Variants in MET observed in about 807,000 individuals in gnomAD.
The protein encoded by MET is MET proto-oncogene, receptor tyrosine kinase, also known as hepatocyte growth factor receptor.
MET carries 48 observed loss-of-function variants against 133.1 expected under a neutral mutation model. The ratio of observed to expected loss-of-function variants is 0.36; its 90% CI spans 0.29 to 0.46. The LOEUF (loss-of-function observed/expected upper bound fraction) is 0.46. MET is among the 20% of genes least tolerant of loss of function. MET has a pLI of 1.00. For missense variants in MET, 1,442 were observed against 1,695.9 expected, an observed-to-expected ratio of 0.85 and a Z score of 2.63; for synonymous variants, 628 against 616.5, an observed-to-expected ratio of 1.02 and a Z score of -0.28.
chr7:116,747,756 C>G (rs184348578), intron 5 of MET, among the ~76,000 whole-genome samples: 7 of 146,784 alleles, frequency 4.8e-5, no homozygotes, highest in African/African-American at 1.9e-4. Context: ...GACTTGAACT[C>G]GGCTCTGGAC....
intron 2 of MET, among the ~76,000 whole-genome samples, chr7:116,718,286 G>A (rs1230937035): frequency 6.6e-6 from 1 of 152,044 alleles, no homozygotes; most frequent in African/African-American, 2.4e-5. Flanking sequence ...CTATTCAGGA[G>A]GCTGAAGCAG....
At chr7:116,742,268 GAC>G (rs1205370103) in intron 5 of MET, among the ~76,000 whole-genome samples, 35 of 152,136 alleles carry the variant, frequency 2.3e-4, no homozygotes, top group Non-Finnish European at 5.9e-5. Context: ...TGTTAGGTGT[GAC>G]ACAGTTATTA....
intron 1 of MET, among the ~76,000 whole-genome samples, chr7:116,697,037 T>A (rs1238974806): frequency 2.6e-5 from 4 of 152,210 alleles, no homozygotes; most frequent in Admixed American, 2.6e-4. Context: ...AACCTGCTAG[T>A]CATCCTTATA....
Position 116,777,461 on chromosome 7 carries a change from C to G in MET, c.3332C>G (p.Ser1111Cys), listed in dbSNP as rs1584960002. The G allele has an allele frequency of 6.2e-7, 1 of 1,613,716 alleles. No homozygotes were observed. The change falls in exon 16 of 21, where the codon TCC becomes TGC. Residue 1111 changes from serine to cysteine, a missense_variant. Ser to Cys is a moderately radical substitution (Grantham distance 112, BLOSUM62 -1). Transcript: ENST00000397752. Reference protein sequence around the residue: ...DGKKIHCAVKSLNRITDIGEV... With the variant: ...DGKKIHCAVKCLNRITDIGEV... ...AAGAAAATTCACTGTGCTGTGAAAT[C>G]CTTGAACAGTAAGTGGCATTTTATT...
chr7:116,743,719 G>A (rs1217634591), intron 5 of MET, among the ~76,000 whole-genome samples: 2 of 152,214 alleles, frequency 1.3e-5, no homozygotes, highest in Admixed American at 1.3e-4. Context: ...GTGGGCCCCT[G>A]ACCCCTGTGC....
chr7:116,781,131 C>G (rs938441174), intron 17 of MET, among the ~76,000 whole-genome samples: 1 of 152,128 alleles, frequency 6.6e-6, no homozygotes. Context: ...GAACTATCCT[C>G]GGAGCCTGCT....
intron 2 of MET, among the ~76,000 whole-genome samples, chr7:116,702,418 C>G (rs1057189829): frequency 6.6e-6 from 1 of 152,116 alleles, no homozygotes; most frequent in African/African-American, 2.4e-5. Flanking sequence ...CCCATCCAGA[C>G]CTCAGATTGT....
Position 116,774,873 on chromosome 7 carries a change from TC to T in MET, c.3029-7del. On this transcript the variant is annotated splice_polypyrimidine_tract_variant and splice_region_variant and intron_variant, in intron 14 of 20. Transcript: ENST00000397752. ...GTTGTTCTTTAATAATTTTCCTTCATCTTACAGATCAGTTTCCTAATTCATC... is the reference window on the plus strand; with the variant it reads ...GTTGTTCTTTAATAATTTTCCTTCATTTACAGATCAGTTTCCTAATTCATC... 6.2e-7 allele frequency: 1 copy of T among 1,611,396 alleles called. No individual in the cohort carries two copies. Among genetic ancestry groups the T allele is most frequent in the Non-Finnish European group, 8.5e-7 (1 of 1,177,676 alleles).
chr7:116,716,297 GAGA>G (rs1792196009), intron 2 of MET, among the ~76,000 whole-genome samples: 64 of 107,092 alleles, frequency 6.0e-4, no homozygotes, highest in African/African-American at 2.6e-3. Context: ...GAGAGAGAGA[GAGA>G]GAGAGAGAGA....
chr7:116,698,528 A>G (rs780792766), intron 1 of MET, among the ~76,000 whole-genome samples: 21 of 152,322 alleles, frequency 1.4e-4, no homozygotes, highest in East Asian at 1.2e-3. Context: ...GCATGTGATC[A>G]TATTGCTTCT....
intron 3 of MET, among the ~76,000 whole-genome samples, chr7:116,735,848 C>T (rs1044263405): frequency 1.2e-4 from 17 of 147,446 alleles, no homozygotes; most frequent in Non-Finnish European, 1.2e-4. Flanking sequence ...GCAATCTTGG[C>T]TCACTGTAAC....
At chr7:116,721,129 G>GT (rs1438043003) in intron 2 of MET, among the ~76,000 whole-genome samples, 2 of 152,124 alleles carry the variant, frequency 1.3e-5, no homozygotes, top group Non-Finnish European at 2.9e-5. Context: ...ACTCTTTTTG[G>GT]TTGGTAAACT....
In MET at chr7:116,740,013, G is replaced by A. The variant is rs746334800; in HGVS notation, c.1456G>A (p.Val486Met). The change falls in exon 4 of 21, where the codon GTG becomes ATG. Residue 486 changes from valine (V) to methionine (M), a missense_variant. Transcript: ENST00000397752. Reference sequence around the variant, plus strand: ...GAATTTTCTCCTGGACTCCCATCCAGTGTCTCCAGAAGTGATTGTGGAGCA... The same window carrying A: ...GAATTTTCTCCTGGACTCCCATCCAATGTCTCCAGAAGTGATTGTGGAGCA... ...HVNFLLDSHP[V>M]SPEVIVEHTL... is the part of the protein sequence containing the mutation. 1 of 1,614,158 alleles carries A rather than the reference G, an allele frequency of 6.2e-7. No homozygotes were observed. Among genetic ancestry groups the A allele is most frequent in the Non-Finnish European group, 8.5e-7 (1 of 1,180,008 alleles).
chr7:116,685,256 T>C (rs947195727), intron 1 of MET, among the ~76,000 whole-genome samples: 16 of 152,300 alleles, frequency 1.1e-4, no homozygotes, highest in Non-Finnish European at 1.3e-4. Flanking sequence ...CCATCCACTC[T>C]CATGGCTTTT....
chr7:116,675,384 G>A (rs748325092), intron 1 of MET, among the ~76,000 whole-genome samples: 4 of 152,082 alleles, frequency 2.6e-5, no homozygotes, highest in Non-Finnish European at 4.4e-5. Context: ...CATGAGAAAC[G>A]CTTTCAAAAT....
intron 1 of MET, chr7:116,695,673 A>C (rs527505347): frequency 2.5e-6 from 1 of 396,416 alleles, no homozygotes; most frequent in Non-Finnish European, 5.2e-6. Context: ...GTGGAATTGA[A>C]TCTTGGTTCT....
At chr7:116,782,723 G>A (rs1795192183) in intron 18 of MET, among the ~76,000 whole-genome samples, 2 of 152,188 alleles carry the variant, frequency 1.3e-5, no homozygotes, top group Admixed American at 1.3e-4. Flanking sequence ...ATAAAAGCCA[G>A]CTTAAACAGA....
At chr7:116,706,510 A>T (rs1421300978) in intron 2 of MET, among the ~76,000 whole-genome samples, 1 of 152,128 alleles carries the variant, frequency 6.6e-6, no homozygotes, top group Non-Finnish European at 1.5e-5. Flanking sequence ...ATTGATAAGG[A>T]TATGAACCTC....
chr7:116,699,676 G>A lies in MET; in HGVS notation c.592G>A (p.Gly198Ser). 1 of 1,613,982 alleles carries A rather than the reference G, an allele frequency of 6.2e-7. No homozygotes were observed. The highest frequency in any genetic ancestry group is 8.5e-7 in the Non-Finnish European group (1 of 1,179,970). Residue 198 changes from glycine (G) to serine (S), a missense_variant, in exon 2 of 21, where the codon GGC becomes AGC. Gly to Ser is a moderately conservative substitution (Grantham distance 56, BLOSUM62 0). Around this residue, in one of 6 missense-constraint regions of MET, gnomAD observed 762 missense variants for 792.4 expected, o/e 0.96. Coordinates refer to ENST00000397752, the MANE Select transcript of MET (RefSeq NM_000245.4). The stretch of plus-strand genomic sequence containing the variant: ...GGACCGGTTCATCAACTTCTTTGTA[G>A]GCAATACCATAAATTCTTCTTATTT... ...VKDRFINFFV[G>S]NTINSSYFPD...
Sources: allele counts gnomAD v4.1 joint callset (sites outside exome capture counted in the v4.1 genomes callset), GRCh38; gene constraint gnomAD v4.1.1; regional missense constraint gnomAD v4.1.1; transcripts MANE v1.5; gene names NCBI Gene and HGNC (gene_info 2026-07-23, HGNC 2026-07-21).